Variants in PXDNL observed in about 807,000 individuals in gnomAD.
PXDNL encodes probable oxidoreductase PXDNL.
PXDNL carries 145 observed loss-of-function variants against 150.8 expected under a neutral mutation model. The ratio of observed to expected loss-of-function variants is 0.96; its 90% CI spans 0.84 to 1.10. The LOEUF (loss-of-function observed/expected upper bound fraction) is 1.10. Among genes scored for constraint, PXDNL ranks in the 50% least tolerant of loss-of-function variants. The probability of loss-of-function intolerance (pLI) is 0.00; values close to 1 mark genes in which losing one functional copy is unlikely to be tolerated. For synonymous variants in PXDNL, 757 were observed against 725.7 expected (o/e 1.04, Z -0.69); for missense variants, 2,087 against 1,873.9 (o/e 1.11, Z -2.10).
At chr8:51,756,784 G>T (rs2037106604) in intron 1 of PXDNL, among the ~76,000 whole-genome samples, 1 of 151,510 alleles carries the variant, frequency 6.6e-6, no homozygotes, top group African/African-American at 2.4e-5. Flanking sequence ...ATTCTAGATA[G>T]TTTTAATTTG....
At chr8:51,717,812 C>T (rs1379353658) in intron 1 of PXDNL, among the ~76,000 whole-genome samples, 1 of 152,206 alleles carries the variant, frequency 6.6e-6, no homozygotes, top group African/African-American at 2.4e-5. Context: ...CAGGCAGTGT[C>T]ACCCTGCAGG....
Position 51,408,462 on chromosome 8 carries a change from T to C in PXDNL, c.3162A>G (p.Arg1054=). The C allele has an allele frequency of 6.2e-7, 1 of 1,613,944 alleles. No individual in the cohort carries two copies. Among genetic ancestry groups the C allele is most frequent in the South Asian group, 1.1e-5 (1 of 91,066 alleles). ...IINSFATAAF[R]FGHTLINPIL... is the part of the protein sequence containing the mutation. ...TAGGATTGATTAATGTGTGGCCAAATCTAAAGGCTGCAGTAGCAAAAGAGT... is the reference window on the plus strand; with the variant it reads ...TAGGATTGATTAATGTGTGGCCAAACCTAAAGGCTGCAGTAGCAAAAGAGT... Residue 1054 remains arginine (R), a synonymous_variant, in exon 17 of 23, where the codon AGA becomes AGG. Transcript: ENST00000356297.
At chr8:51,530,535 G>A (rs957282183) in intron 4 of PXDNL, among the ~76,000 whole-genome samples, 17 of 152,126 alleles carry the variant, frequency 1.1e-4, no homozygotes, top group African/African-American at 3.1e-4. Context: ...TAGAGCCAAC[G>A]TTGCTGCCAT....
intron 17 of PXDNL, among the ~76,000 whole-genome samples, chr8:51,381,702 A>T (rs1049587801): frequency 6.6e-6 from 1 of 151,174 alleles, no homozygotes; most frequent in African/African-American, 2.4e-5. Flanking sequence ...CGCCCAGGCT[A>T]GAGTGCAGTG....
At chr8:51,604,396 A>G (rs1813797115) in intron 2 of PXDNL, among the ~76,000 whole-genome samples, 1 of 152,136 alleles carries the variant, frequency 6.6e-6, no homozygotes, top group South Asian at 2.1e-4. Context: ...AACTATCGCA[A>G]GGACAAAAAA....
At chr8:51,721,069 C>CCTGCAGAGCCCGTGAACA (rs1320034835) in intron 1 of PXDNL, among the ~76,000 whole-genome samples, 3 of 152,244 alleles carry the variant, frequency 2.0e-5, no homozygotes, top group Non-Finnish European at 4.4e-5. Context: ...GAACAAGTCT[C>CCTGCAGAGCCCGTGAACA]AGAGCCTCCT....
intron 1 of PXDNL, among the ~76,000 whole-genome samples, chr8:51,764,953 T>A (rs1216863357): frequency 6.6e-6 from 1 of 152,220 alleles, no homozygotes. Context: ...TTTTGTTGCA[T>A]GTGTTTTGGG....
chr8:51,426,328 A>G (rs567430416), intron 13 of PXDNL, among the ~76,000 whole-genome samples: 12 of 152,276 alleles, frequency 7.9e-5, no homozygotes, highest in East Asian at 1.9e-4. Flanking sequence ...ATGGTTTCTT[A>G]TTAGCCACTA....
chr8:51,413,061 T>G (rs1315460525), intron 15 of PXDNL, 89 bp downstream of exon 15: 1 of 769,880 alleles, frequency 1.3e-6, no homozygotes. Context: ...CTATTGCATA[T>G]GCACTATAAT....
intron 1 of PXDNL, among the ~76,000 whole-genome samples, chr8:51,805,474 T>A (rs966578467): frequency 4.0e-5 from 6 of 148,778 alleles, no homozygotes; most frequent in African/African-American, 1.2e-4. Context: ...TATATATATA[T>A]AAAATGAATG....
intron 1 of PXDNL, among the ~76,000 whole-genome samples, chr8:51,773,330 T>TAG (rs1351026498): frequency 6.6e-6 from 1 of 152,194 alleles, no homozygotes; most frequent in East Asian, 1.9e-4. Context: ...CTTCTGCCTC[T>TAG]AGAGCATGAC....
At chr8:51,747,133 G>A (rs2036992487) in intron 1 of PXDNL, among the ~76,000 whole-genome samples, 1 of 152,204 alleles carries the variant, frequency 6.6e-6, no homozygotes, top group Admixed American at 6.5e-5. Flanking sequence ...TCATGATGGA[G>A]TTTTGTTTGT....
In PXDNL at chr8:51,608,050, AAAGAAAGC is replaced by A. The variant is rs1484122482; in HGVS notation, c.237-15360_237-15353del. On this transcript the variant is annotated intron_variant, in intron 2 of 22. Coordinates refer to ENST00000356297, the MANE Select transcript of PXDNL (RefSeq NM_144651.5). ...GAAAGAAAGAAAGAAAGAAAGAAAG[AAAGAAAGC>A]AAGCAAGCAAGCAAGCAAGCAAGCA... is the stretch of plus-strand genomic sequence containing the variant. Among the ~76,000 whole-genome samples, 1,148 of 124,046 alleles carry A rather than the reference AAAGAAAGC, an allele frequency of 9.3e-3. 3 individuals are homozygous for A. The highest frequency in any genetic ancestry group is 0.012 in the Non-Finnish European group (755 of 60,866). The allele number at this position is 124,046 out of a possible 152,430, so 81.4% of individuals were successfully genotyped here.
intron 1 of PXDNL, among the ~76,000 whole-genome samples, chr8:51,739,751 C>T: frequency 6.6e-6 from 1 of 151,784 alleles, no homozygotes; most frequent in Non-Finnish European, 1.5e-5. Flanking sequence ...TGGCAGGCAC[C>T]TGTAGTCCCA....
At chr8:51,707,345 G>A (rs73580281) in intron 1 of PXDNL, among the ~76,000 whole-genome samples, 5,160 of 152,198 alleles carry the variant, frequency 0.034, 277 homozygotes, top group African/African-American at 0.11. Flanking sequence ...TTGAGACATA[G>A]TTGATATTTG....
intron 20 of PXDNL, among the ~76,000 whole-genome samples, chr8:51,342,291 G>A (rs1806009768): frequency 6.6e-6 from 1 of 151,752 alleles, no homozygotes; most frequent in Admixed American, 6.6e-5. Flanking sequence ...AAATAGGGGA[G>A]GGATGACCTA....
At chr8:51,555,697 C>T (rs1812584588) in intron 4 of PXDNL, among the ~76,000 whole-genome samples, 1 of 152,130 alleles carries the variant, frequency 6.6e-6, no homozygotes, top group Non-Finnish European at 1.5e-5. Flanking sequence ...AGTCTGCATT[C>T]TACATATCCG....
At chr8:51,401,987 G>A (rs912098609) in intron 17 of PXDNL, among the ~76,000 whole-genome samples, 1 of 152,114 alleles carries the variant, frequency 6.6e-6, no homozygotes, top group African/African-American at 2.4e-5. Flanking sequence ...ACATGCAGAA[G>A]AAGGAAAAGC....
intron 5 of PXDNL, among the ~76,000 whole-genome samples, chr8:51,494,412 C>G (rs1202601813): frequency 1.3e-5 from 2 of 151,810 alleles, no homozygotes; most frequent in Non-Finnish European, 2.9e-5. Context: ...ATGACAGGAT[C>G]AGATTCACAC....
Sources: allele counts gnomAD v4.1 joint callset (sites outside exome capture counted in the v4.1 genomes callset), GRCh38; gene constraint gnomAD v4.1.1; transcripts MANE v1.5; gene names NCBI Gene and HGNC (gene_info 2026-07-23, HGNC 2026-07-21).